The following MARCHF4 variants were observed in gnomAD, a reference collection of about 807,000 sequenced individuals.
MARCHF4 encodes the protein E3 ubiquitin-protein ligase MARCHF4.
In MARCHF4, 14 loss-of-function variants were observed where a neutral mutation model predicts 43.9. That is an observed-to-expected ratio of 0.32 (90% CI 0.21 to 0.50). The LOEUF (loss-of-function observed/expected upper bound fraction) is 0.50, where lower values mean the gene tolerates loss of function less well. Among genes scored for constraint, MARCHF4 ranks in the 20% least tolerant of loss-of-function variants. MARCHF4 has a pLI of 0.98. For synonymous variants in MARCHF4, 226 were observed against 213.3 expected, an observed-to-expected ratio of 1.06 and a Z score of -0.52; for missense variants, 468 against 536.7, an observed-to-expected ratio of 0.87 and a Z score of 1.27.
chr2:216,304,478 G>C (rs1402416575), intron 1 of MARCHF4, among the ~76,000 whole-genome samples: 1 of 152,118 alleles, frequency 6.6e-6, no homozygotes, highest in South Asian at 2.1e-4. Context: ...TAATGACCGA[G>C]GACAAATTGA....
chr2:216,356,245 T>C (rs1304805385), intron 1 of MARCHF4, among the ~76,000 whole-genome samples: 3 of 152,220 alleles, frequency 2.0e-5, no homozygotes, highest in Non-Finnish European at 4.4e-5. Context: ...AGGGCCCATA[T>C]TGGGGAAACT....
chr2:216,337,799 G>A (rs1692180340), intron 1 of MARCHF4, among the ~76,000 whole-genome samples: 1 of 152,114 alleles, frequency 6.6e-6, no homozygotes, highest in Non-Finnish European at 1.5e-5. Flanking sequence ...ATTGCTTGGA[G>A]ACTGTTTTTT....
rs1028750767 is a variant in MARCHF4, at chr2:216,259,160, C to T, written c.*152G>A. 11 of 1,120,086 alleles carry T rather than the reference C, an allele frequency of 9.8e-6. No homozygotes were observed. The highest frequency in any genetic ancestry group is 1.4e-5 in the Non-Finnish European group (11 of 804,136). 69.4% of individuals were successfully genotyped at this position (1,120,086 alleles called of 1,614,324 possible). On this transcript the variant is annotated 3_prime_UTR_variant, in exon 4 of 4. Coordinates refer to ENST00000273067, the MANE Select transcript of MARCHF4 (RefSeq NM_020814.3). ...AATAGCAGAACTGCTCCTGCACCAG[C>T]CTCACTCCCGCTCTGACACTACCCC...
At chr2:216,317,302 C>A (rs1030417753) in intron 1 of MARCHF4, among the ~76,000 whole-genome samples, 2 of 152,184 alleles carry the variant, frequency 1.3e-5, no homozygotes, top group Non-Finnish European at 2.9e-5. Flanking sequence ...CATATCTTGT[C>A]AGGGAAATGC....
intron 1 of MARCHF4, among the ~76,000 whole-genome samples, chr2:216,328,043 G>T (rs1290597764): frequency 4.0e-5 from 6 of 151,818 alleles, no homozygotes; most frequent in Admixed American, 3.9e-4. Context: ...CCTGCACATA[G>T]CCCATAGATC....
intron 1 of MARCHF4, among the ~76,000 whole-genome samples, chr2:216,360,605 G>A (rs1490401195): frequency 6.6e-6 from 1 of 152,206 alleles, no homozygotes; most frequent in Non-Finnish European, 1.5e-5. Context: ...AGTGGAAGCA[G>A]GGAGATGAAT....
At chr2:216,320,675 CTTTT>C (rs749350936) in intron 1 of MARCHF4, among the ~76,000 whole-genome samples, 20 of 33,106 alleles carry the variant, frequency 6.0e-4, no homozygotes, top group African/African-American at 1.3e-3. Flanking sequence ...TTCTTTCTTT[CTTTT>C]TTTTTTTTTG....
chr2:216,269,207 GA>G (rs1258344834), intron 3 of MARCHF4, among the ~76,000 whole-genome samples: 4 of 152,132 alleles, frequency 2.6e-5, no homozygotes, highest in African/African-American at 9.7e-5. Flanking sequence ...TTGACTATTT[GA>G]TGTCCAATCT....
intron 1 of MARCHF4, 112 bp downstream of exon 1, chr2:216,369,633 A>G (rs1692720639): frequency 1.2e-6 from 1 of 829,492 alleles, no homozygotes; most frequent in Non-Finnish European, 1.9e-6. Context: ...TCTTAAACAT[A>G]GAGTCCTCAT....
chr2:216,336,742 T>TAAAAAAAAAAAAAAAAAAAAAAAAAA lies in MARCHF4; in HGVS notation c.516+33002_516+33003insTTTTTTTTTTTTTTTTTTTTTTTTTT, dbSNP rs58031229. On this transcript the variant is annotated intron_variant, in intron 1 of 3. Transcript: ENST00000273067. ...GGCAAATGGGAAAGGCAAATAGATT[T>TAAAAAAAAAAAAAAAAAAAAAAAAAA]AAAAAAAAAAAAAAAAAAAAAAAAA... Among the ~76,000 whole-genome samples, 26 of 55,668 alleles carry TAAAAAAAAAAAAAAAAAAAAAAAAAA rather than the reference T, an allele frequency of 4.7e-4. 3 individuals are homozygous for TAAAAAAAAAAAAAAAAAAAAAAAAAA. The highest frequency in any genetic ancestry group is 2.6e-3 in the East Asian group (2 of 758). 36.5% of individuals were successfully genotyped at this position (55,668 alleles called of 152,430 possible). A position where few individuals can be genotyped will look rare whatever the true frequency, so the allele number is the denominator to read the frequency against.
intron 3 of MARCHF4, among the ~76,000 whole-genome samples, chr2:216,276,261 T>C (rs1036319612): frequency 6.6e-6 from 1 of 152,154 alleles, no homozygotes; most frequent in African/African-American, 2.4e-5. Flanking sequence ...AACCTCCATA[T>C]GGAGACACAC....
intron 1 of MARCHF4, among the ~76,000 whole-genome samples, chr2:216,330,760 G>A (rs1342365364): frequency 6.6e-6 from 1 of 151,982 alleles, no homozygotes; most frequent in Non-Finnish European, 1.5e-5. Context: ...TAATCCATGG[G>A]TTAAAGAAGA....
At chr2:216,281,378 C>G (rs1479399466) in intron 2 of MARCHF4, among the ~76,000 whole-genome samples, 4 of 152,312 alleles carry the variant, frequency 2.6e-5, no homozygotes, top group East Asian at 1.9e-4. Flanking sequence ...TCTCATGACT[C>G]TGTCTGGGGC....
Position 216,371,328 on chromosome 2 carries a change from C to A in MARCHF4, c.-1068G>T. Reference sequence around the variant, plus strand: ...CGGCAAATCCGTGGCGCCCTCCCCTCGGTTCCATCAAAGGTCCCTTCGGTC... The same window carrying A: ...CGGCAAATCCGTGGCGCCCTCCCCTAGGTTCCATCAAAGGTCCCTTCGGTC... On this transcript the variant is annotated 5_prime_UTR_variant, in exon 1 of 4. Coordinates refer to ENST00000273067, the MANE Select transcript of MARCHF4 (RefSeq NM_020814.3). 6.5e-6 allele frequency: 1 copy of A among 152,960 alleles called. No individual in the cohort carries two copies. Among genetic ancestry groups the A allele is most frequent in the Non-Finnish European group, 1.5e-5 (1 of 68,196 alleles). The allele number at this position is 152,960 out of a possible 1,614,324, so 9.5% of individuals were successfully genotyped here.
chr2:216,341,283 G>A (rs970389572), intron 1 of MARCHF4, among the ~76,000 whole-genome samples: 3 of 152,090 alleles, frequency 2.0e-5, no homozygotes, highest in Admixed American at 6.5e-5. Flanking sequence ...ACGGTCTCTC[G>A]TGAATGACTG....
chr2:216,293,918 T>TTGA lies in MARCHF4; in HGVS notation c.517-10190_517-10189insTCA, dbSNP rs1691352255. 4.3e-5 allele frequency among the ~76,000 whole-genome samples: 4 copies of TTGA among 93,142 alleles called. 1 individual carries two copies. In the South Asian group the frequency reaches 1.3e-3, roughly 30 times the overall value. 61.1% of individuals were successfully genotyped at this position (93,142 alleles called of 152,430 possible). ...TGTACATTTATAATCATATCTGTAT[T>TTGA]TCTAATGACCTAAATGTGTAATATA... On this transcript the variant is annotated intron_variant, in intron 1 of 3. Transcript: ENST00000273067.
chr2:216,262,560 G>A (rs189497927), intron 3 of MARCHF4, among the ~76,000 whole-genome samples: 1 of 152,244 alleles, frequency 6.6e-6, no homozygotes, highest in Admixed American at 6.5e-5. Flanking sequence ...GTCAGTGAAT[G>A]GGGGGTGATG....
intron 1 of MARCHF4, among the ~76,000 whole-genome samples, chr2:216,363,856 T>A (rs1375331666): frequency 6.6e-6 from 1 of 152,236 alleles, no homozygotes; most frequent in Non-Finnish European, 1.5e-5. Flanking sequence ...ATATGCCATG[T>A]AACATGTTTA....
chr2:216,347,209 C>A (rs758767953), intron 1 of MARCHF4, among the ~76,000 whole-genome samples: 22 of 152,118 alleles, frequency 1.4e-4, no homozygotes, highest in Admixed American at 1.3e-4. Context: ...AATACAGCAG[C>A]CTATGAATGA....
Sources: gnomAD v4.1 joint callset for allele counts (sites outside exome capture counted in the v4.1 genomes callset) on GRCh38, gnomAD v4.1.1 for gene constraint, MANE v1.5 for transcripts, NCBI Gene and HGNC (gene_info 2026-07-23, HGNC 2026-07-21) for gene names.